The following MDGA1 variants were observed in gnomAD, a reference collection of about 807,000 sequenced individuals.
The protein encoded by MDGA1 is MAM domain-containing glycosylphosphatidylinositol anchor protein 1.
Under a neutral mutation model 101.5 loss-of-function variants are expected in MDGA1, and 54 were observed. That is an observed-to-expected ratio of 0.53 (90% CI 0.43 to 0.67). The LOEUF is 0.67. Among genes scored for constraint, MDGA1 ranks in the 30% least tolerant of loss-of-function variants. MDGA1 has a pLI of 0.00. For synonymous variants in MDGA1, 533 were observed against 558.3 expected, an observed-to-expected ratio of 0.95 and a Z score of 0.64; for missense variants, 1,083 against 1,323.8, an observed-to-expected ratio of 0.82 and a Z score of 2.82.
intron 1 of MDGA1, among the ~76,000 whole-genome samples, chr6:37,688,385 C>A (rs1762241501): frequency 6.6e-6 from 1 of 152,200 alleles, no homozygotes; most frequent in Non-Finnish European, 1.5e-5. Context: ...TTCCAATCCT[C>A]CAGATAATTA....
chr6:37,641,020 T>C (rs770473175), intron 14 of MDGA1, among the ~76,000 whole-genome samples: 2 of 152,148 alleles, frequency 1.3e-5, no homozygotes, highest in Non-Finnish European at 2.9e-5. Context: ...GAAACTTCAA[T>C]GTGCTCCTCT....
In MDGA1 at chr6:37,658,388, G is replaced by C; in HGVS notation, c.239C>G (p.Ser80Trp). 2.5e-6 allele frequency: 4 copies of C among 1,611,446 alleles called. No individual in the cohort carries two copies. The highest frequency in any genetic ancestry group is 3.4e-6 in the Non-Finnish European group (4 of 1,178,952). ...VRWTKTAGSA[S>W]DKFQETSVFN... ...CACCGATGTCTCCTGGAACTTGTCC[G>C]AGGCGCTACCTGCCGTCTTGGTCCA... Residue 80 changes from serine (S) to tryptophan (W), a missense_variant, in exon 3 of 17, where the codon TCG (serine) becomes TGG (tryptophan). Physicochemically the swap from Ser to Trp is radical, Grantham distance 177. This residue lies in a region of MDGA1 where 310 missense variants were observed against 355.9 expected (regional missense o/e 0.87). Coordinates refer to ENST00000434837, the MANE Select transcript of MDGA1 (RefSeq NM_153487.4).
chr6:37,635,608 C>T lies in MDGA1; in HGVS notation c.*1760G>A. 1 of 398,694 alleles carries T rather than the reference C, an allele frequency of 2.5e-6. No individual in the cohort carries two copies. Among genetic ancestry groups the T allele is most frequent in the East Asian group, 3.6e-5 (1 of 28,076 alleles). The allele number at this position is 398,694 out of a possible 1,614,324, so 24.7% of individuals were successfully genotyped here. On this transcript the variant is annotated 3_prime_UTR_variant, in exon 17 of 17. Coordinates refer to ENST00000434837, the MANE Select transcript of MDGA1 (RefSeq NM_153487.4). ...GGCAGGGGGAGATGGGCAGCCTTTG[C>T]CTCGGTTCCCCGCCTGCCTCCTGGC...
At chr6:37,690,588 C>T (rs570152779) in intron 1 of MDGA1, among the ~76,000 whole-genome samples, 14 of 152,210 alleles carry the variant, frequency 9.2e-5, no homozygotes, top group Admixed American at 9.2e-4. Flanking sequence ...ACCATCCTGG[C>T]TAACATGGTG....
At chr6:37,665,667 A>G (rs1028555388) in intron 1 of MDGA1, among the ~76,000 whole-genome samples, 1 of 152,220 alleles carries the variant, frequency 6.6e-6, no homozygotes, top group Non-Finnish European at 1.5e-5. Flanking sequence ...TGATTTCAGT[A>G]GCTTTCTCTT....
rs187118853 is a variant in MDGA1 at position 37,630,914 on chromosome 6, T to C, written c.*6454A>G. 2 of 152,232 alleles carry C rather than the reference T, an allele frequency of 1.3e-5. No individual in the cohort carries two copies. The highest frequency in any genetic ancestry group is 2.9e-5 in the Non-Finnish European group (2 of 68,016). The allele number at this position is 152,232 out of a possible 1,614,324, so 9.4% of individuals were successfully genotyped here. ...ACTCAGAGGACATCCTAGGTGGCAG[T>C]TCAGGGCTTCCAGAGAGAACGTTCC... On this transcript the variant is annotated 3_prime_UTR_variant, in exon 17 of 17. Transcript: ENST00000434837.
chr6:37,631,847 G>T lies in MDGA1; in HGVS notation c.*5521C>A, dbSNP rs1371596024. ...TGGTGAATAAGGGAGGCAGCCCCAA[G>T]TAGGGTGCAGGGTGGGGTCTGTAGG... On this transcript the variant is annotated 3_prime_UTR_variant, in exon 17 of 17. Coordinates refer to ENST00000434837, the MANE Select transcript of MDGA1 (RefSeq NM_153487.4). 2 of 152,274 alleles carry T rather than the reference G, an allele frequency of 1.3e-5. No individual in the cohort carries two copies. The allele number at this position is 152,274 out of a possible 1,614,324, so 9.4% of individuals were successfully genotyped here. A position where few individuals can be genotyped will look rare whatever the true frequency, so the allele number is the denominator to read the frequency against.
chr6:37,664,307 A>C (rs1246717613), intron 1 of MDGA1: 1 of 598,126 alleles, frequency 1.7e-6, no homozygotes, highest in Admixed American at 3.0e-5. Flanking sequence ...GAACTCAGGA[A>C]AGGGACAGTT....
At chr6:37,659,433 A>G (rs1761572396) in intron 2 of MDGA1, among the ~76,000 whole-genome samples, 1 of 152,168 alleles carries the variant, frequency 6.6e-6, no homozygotes, top group South Asian at 2.1e-4. Flanking sequence ...ATTATTATTA[A>G]TATTGTCTTA....
chr6:37,638,264 A>G lies in MDGA1; in HGVS notation c.2717T>C (p.Ile906Thr). The G allele has an allele frequency of 6.2e-7, 1 of 1,613,218 alleles. No homozygotes were observed. The highest frequency in any genetic ancestry group is 8.5e-7 in the Non-Finnish European group (1 of 1,179,736). Residue 906 changes from isoleucine to threonine, a missense_variant, in exon 16 of 17, where the codon ATA becomes ACA. Coordinates refer to ENST00000434837, the MANE Select transcript of MDGA1 (RefSeq NM_153487.4). The surrounding 1 kb of genome is among the most constrained non-coding windows in gnomAD (Gnocchi z 4.8). ...RGPGYLGDIAIDDVTLKKGEC... is the reference protein window; with the variant it reads ...RGPGYLGDIATDDVTLKKGEC... Reference sequence around the variant, plus strand: ...CCCCTTCTTCAGTGTGACGTCATCTATGGCAATATCCCCCAGGTAGCCCGG... The same window carrying G: ...CCCCTTCTTCAGTGTGACGTCATCTGTGGCAATATCCCCCAGGTAGCCCGG...
At chr6:37,651,895 A>C (rs1761371002) in intron 7 of MDGA1, 116 bp downstream of exon 7, 5 of 807,922 alleles carry the variant, frequency 6.2e-6, no homozygotes, top group Non-Finnish European at 5.7e-6. Flanking sequence ...GGCATGAACA[A>C]GTGGTGGCCT....
In MDGA1 at chr6:37,697,583, C is replaced by G. The variant is rs1385728985; in HGVS notation, c.-772G>C. 6.6e-6 allele frequency: 1 copy of G among 152,140 alleles called. No individual in the cohort carries two copies. The highest frequency in any genetic ancestry group is 1.5e-5 in the Non-Finnish European group (1 of 68,026). 9.4% of individuals were successfully genotyped at this position (152,140 alleles called of 1,614,324 possible). On this transcript the variant is annotated 5_prime_UTR_variant, in exon 1 of 17. Transcript: ENST00000434837. ...ACGGGGAAAGGAGGAAAGTTTGAGTCTTTTGAAAAATATTCGCGCTCTCGC... is the reference window on the plus strand; with the variant it reads ...ACGGGGAAAGGAGGAAAGTTTGAGTGTTTTGAAAAATATTCGCGCTCTCGC...
In MDGA1 at chr6:37,651,598, C is replaced by T. The variant is rs529509505; in HGVS notation, c.1312+413G>A. 2.6e-5 allele frequency among the ~76,000 whole-genome samples: 3 copies of T among 113,702 alleles called. No individual in the cohort carries two copies. In the Admixed American group the frequency reaches 2.9e-4, roughly 11 times the overall value. 74.6% of individuals were successfully genotyped at this position (113,702 alleles called of 152,430 possible). On this transcript the variant is annotated intron_variant, in intron 7 of 16. Coordinates refer to ENST00000434837, the MANE Select transcript of MDGA1 (RefSeq NM_153487.4). Reference sequence around the variant, plus strand: ...TATGAGCCAAATGGAGGAAACAGCCCTGGGCCCCTGCTCTAGTTCTACTAA... The same window carrying T: ...TATGAGCCAAATGGAGGAAACAGCCTTGGGCCCCTGCTCTAGTTCTACTAA...
At chr6:37,649,792 CCTG>C (rs1224566632) in intron 8 of MDGA1, 5 of 566,048 alleles carry the variant, frequency 8.8e-6, no homozygotes, top group Non-Finnish European at 1.3e-5. Context: ...TTTTCATCAT[CCTG>C]TTATCAGACA....
intron 8 of MDGA1, chr6:37,649,870 A>T: frequency 3.1e-6 from 2 of 635,420 alleles, no homozygotes; most frequent in Non-Finnish European, 5.7e-6. Context: ...AAATCAAGTA[A>T]TTTTTTTTTT....
At chr6:37,668,944 T>C (rs1460800716) in intron 1 of MDGA1, among the ~76,000 whole-genome samples, 8 of 152,044 alleles carry the variant, frequency 5.3e-5, no homozygotes, top group African/African-American at 1.9e-4. Flanking sequence ...GCCTCCTGGG[T>C]TCAAGCAATT....
At position 37,638,217 on chromosome 6, in the gene MDGA1, C is replaced by A; in HGVS notation, c.2764G>T (p.Asp922Tyr). Residue 922 changes from aspartate (D) to tyrosine (Y), a missense_variant, in exon 16 of 17, where the codon GAT (aspartate) becomes TAT (tyrosine). Physicochemically the swap from Asp to Tyr is radical, Grantham distance 160 (BLOSUM62 -3). Around this residue, in one of 3 missense-constraint regions of MDGA1, gnomAD observed 657 missense variants for 771.4 expected, o/e 0.85. Coordinates refer to ENST00000434837, the MANE Select transcript of MDGA1 (RefSeq NM_153487.4). This position sits in a 1 kb window ranked among gnomAD's most constrained non-coding sequence, Gnocchi z 4.8. ...KKGECPRKQT[D>Y]PNKVVVMPGS... ...TCCCGTCTTGCACCTTTATTGGGAT[C>A]CGTCTGCTTCCGGGGACACTCCCCC... 6.2e-7 allele frequency: 1 copy of A among 1,613,482 alleles called. No individual in the cohort carries two copies. The highest frequency in any genetic ancestry group is 8.5e-7 in the Non-Finnish European group (1 of 1,179,500).
intron 2 of MDGA1, among the ~76,000 whole-genome samples, chr6:37,662,643 A>AAGAAAAGAAAAGAAAAG (rs1554134906): frequency 1.2e-4 from 18 of 145,298 alleles, no homozygotes; most frequent in Non-Finnish European, 2.1e-4. Flanking sequence ...TCAAAAAAAA[A>AAGAAAAGAAAAGAAAAG]AAAACAAGGA....
intron 1 of MDGA1, among the ~76,000 whole-genome samples, chr6:37,664,842 G>GACAGACAC (rs1215330966): frequency 8.1e-4 from 45 of 55,250 alleles, no homozygotes; most frequent in Admixed American, 3.3e-3. Context: ...CCTAACCTAA[G>GACAGACAC]ACACACACAC....
Sources: gnomAD v4.1 joint callset for allele counts (sites outside exome capture counted in the v4.1 genomes callset) on GRCh38, gnomAD v4.1.1 for gene constraint, gnomAD v4.1.1 regional missense constraint, Gnocchi (gnomAD v3.1) non-coding constraint, MANE v1.5 for transcripts, NCBI Gene and HGNC (gene_info 2026-07-23, HGNC 2026-07-21) for gene names.